Variants in TMEM130 observed in about 807,000 individuals in gnomAD.
TMEM130 encodes the protein transmembrane protein 130.
Under a neutral mutation model 42.9 loss-of-function variants are expected in TMEM130, and 37 were observed. The ratio of observed to expected loss-of-function variants is 0.86; its 90% CI spans 0.66 to 1.13. TMEM130 has a LOEUF of 1.13. Among genes scored for constraint, TMEM130 ranks in the 50% most tolerant of loss-of-function variants. TMEM130 has a pLI of 0.00. For missense variants in TMEM130, 545 were observed against 562.6 expected (o/e 0.97, Z 0.32); for synonymous variants, 259 against 237.7 (o/e 1.09, Z -0.82).
intron 2 of TMEM130, among the ~76,000 whole-genome samples, chr7:98,862,465 G>A (rs1219180993): frequency 3.4e-5 from 5 of 148,394 alleles, no homozygotes; most frequent in Non-Finnish European, 7.4e-5. Context: ...GTGAATGACT[G>A]GCCCCAAGAC....
chr7:98,860,232 C>G lies in TMEM130; in HGVS notation c.498G>C (p.Pro166=). The G allele has an allele frequency of 6.2e-7, 1 of 1,613,964 alleles. No homozygotes were observed. The highest frequency in any genetic ancestry group is 1.1e-5 in the South Asian group (1 of 91,048). ...ACAAGGCGGTCTTGAGGAAGTTGCT[C>G]GGGTCGTGGAGGAGGAAGGAGACTT... ...VLKVSFLLHD[P]SNFLKTALFL... Residue 166 remains proline, a synonymous_variant, in exon 3 of 8, where the codon CCG becomes CCC. Coordinates refer to ENST00000339375, the MANE Select transcript of TMEM130 (RefSeq NM_152913.3).
chr7:98,860,228 T>A lies in TMEM130; in HGVS notation c.502A>T (p.Asn168Tyr). 6.2e-7 allele frequency: 1 copy of A among 1,614,008 alleles called. No individual in the cohort carries two copies. The highest frequency in any genetic ancestry group is 8.5e-7 in the Non-Finnish European group (1 of 1,179,986). Residue 168 changes from asparagine to tyrosine, a missense_variant, in exon 3 of 8, where the codon AAC becomes TAC. Coordinates refer to ENST00000339375, the MANE Select transcript of TMEM130 (RefSeq NM_152913.3). The part of the protein sequence containing the change: ...KVSFLLHDPS[N>Y]FLKTALFLYS... ...AGAAACAAGGCGGTCTTGAGGAAGT[T>A]GCTCGGGTCGTGGAGGAGGAAGGAG...
At position 98,869,820 on chromosome 7, in the gene TMEM130, C is replaced by A; in HGVS notation, c.42G>T (p.Trp14Cys). Reference sequence around the variant, plus strand: ...GGGCCCAGGGCAGGAGGCAGGCAAGCCAGAGGATGCGGCCGAGGCGCGACC... The same window carrying A: ...GGGCCCAGGGCAGGAGGCAGGCAAGACAGAGGATGCGGCCGAGGCGCGACC... The part of the protein sequence containing the change: ...AVWSRLGRIL[W>C]LACLLPWAPA... Residue 14 changes from tryptophan (W) to cysteine (C), a missense_variant, in exon 1 of 8, where the codon TGG becomes TGT. Coordinates refer to ENST00000339375, the MANE Select transcript of TMEM130 (RefSeq NM_152913.3). This position sits in a 1 kb window ranked among gnomAD's most constrained non-coding sequence, Gnocchi z 4.7. 1 of 1,445,108 alleles carries A rather than the reference C, an allele frequency of 6.9e-7. No homozygotes were observed. The allele number at this position is 1,445,108 out of a possible 1,614,324, so 89.5% of individuals were successfully genotyped here. A position where few individuals can be genotyped will look rare whatever the true frequency, so the allele number is the denominator to read the frequency against.
chr7:98,852,116 TTTTAA>T (rs1296015170), intron 5 of TMEM130, among the ~76,000 whole-genome samples: 15 of 151,872 alleles, frequency 9.9e-5, no homozygotes, highest in East Asian at 3.9e-4. Flanking sequence ...CCAACTAATT[TTTTAA>T]TTTAATTTAA....
intron 2 of TMEM130, among the ~76,000 whole-genome samples, chr7:98,862,760 G>A (rs1429130983): frequency 2.0e-5 from 3 of 152,102 alleles, no homozygotes; most frequent in East Asian, 1.9e-4. Context: ...TCGGCCTCCC[G>A]AAGTGCTGGG....
At chr7:98,855,351 A>C in intron 4 of TMEM130, 27 bp from the exon 5 acceptor site, 1 of 1,595,714 alleles carries the variant, frequency 6.3e-7, no homozygotes, top group Non-Finnish European at 8.6e-7. Context: ...ACCCCGTTAG[A>C]CCTGGTGGCT....
chr7:98,848,498 A>T, intron 7 of TMEM130, 85 bp downstream of exon 7: 1 of 1,016,954 alleles, frequency 9.8e-7, no homozygotes, highest in Non-Finnish European at 1.6e-6. Flanking sequence ...CCCTCCAGGC[A>T]TCCTGGCCTG....
Position 98,856,127 on chromosome 7 carries a change from G to T in TMEM130, c.608C>A (p.Thr203Asn), listed in dbSNP as rs1397655646. The T allele has an allele frequency of 6.2e-7, 1 of 1,613,910 alleles. No individual in the cohort carries two copies. Among genetic ancestry groups the T allele is most frequent in the African/African-American group, 1.3e-5 (1 of 74,920 alleles). The change falls in exon 4 of 8, where the codon ACC becomes AAC. Residue 203 changes from threonine (T) to asparagine (N), a missense_variant. Transcript: ENST00000339375. The stretch of plus-strand genomic sequence containing the variant: ...CACCACTTTGAGCTTCACGGTGAAG[G>T]TCCCGATGATGGAATAGTTATAATA... ...VVYYNYSIIGTFTVKLKVVAE... is the reference protein window; with the variant it reads ...VVYYNYSIIGNFTVKLKVVAE...
rs1487644177 is a variant in TMEM130, at chr7:98,868,235, A to G, written c.85+1542T>C. Among the ~76,000 whole-genome samples, 16 of 152,282 alleles carry G rather than the reference A, an allele frequency of 1.1e-4. No homozygotes were observed. The East Asian group carries it at 3.1e-3, about 29-fold the overall frequency. ...CAGAGCAAGACTGCATCTCAAACAA[A>G]CAAATTCATCTTTCCATGTTTGGGA... On this transcript the variant is annotated intron_variant, in intron 1 of 7. Coordinates refer to ENST00000339375, the MANE Select transcript of TMEM130 (RefSeq NM_152913.3).
rs1002408452 is a variant in TMEM130, at chr7:98,847,848, G to T, written c.*208C>A. ...CCGAGTGGGGCTTATGTCAGTGGCT[G>T]GACTGTACAGATGGGTGAATGGCTG... is the stretch of plus-strand genomic sequence containing the variant. On this transcript the variant is annotated 3_prime_UTR_variant, in exon 8 of 8. Transcript: ENST00000339375. 4.4e-5 allele frequency: 23 copies of T among 516,996 alleles called. No individual in the cohort carries two copies. Among genetic ancestry groups the T allele is most frequent in the Non-Finnish European group, 7.5e-5 (22 of 293,346 alleles). The allele number at this position is 516,996 out of a possible 1,614,324, so 32.0% of individuals were successfully genotyped here. A position where few individuals can be genotyped will look rare whatever the true frequency, so the allele number is the denominator to read the frequency against.
Position 98,847,932 on chromosome 7 carries a change from T to C in TMEM130, c.*124A>G. The C allele has an allele frequency of 2.1e-5, 19 of 909,832 alleles. 1 individual carries two copies. Among genetic ancestry groups the C allele is most frequent in the Non-Finnish European group, 3.1e-5 (18 of 587,474 alleles). The allele number at this position is 909,832 out of a possible 1,614,324, so 56.4% of individuals were successfully genotyped here. ...GCAGTGGCTGAACTGTACAGATGGA[T>C]GGATGATCCAGGCCAACAGCCCCAC... On this transcript the variant is annotated 3_prime_UTR_variant, in exon 8 of 8. Transcript: ENST00000339375.
At chr7:98,850,273 A>ATATATATTTTTTTTTTTTTTTTTTTTT in intron 6 of TMEM130, among the ~76,000 whole-genome samples, 57 of 35,418 alleles carry the variant, frequency 1.6e-3, no homozygotes, top group Non-Finnish European at 2.7e-3. Flanking sequence ...ATATATATAT[A>ATATATATTTTTTTTTTTTTTTTTTTTT]TTTTTTTTTT....
rs562457966 is a variant in TMEM130, at chr7:98,847,692, C to G, written c.*364G>C. The G allele has an allele frequency of 2.2e-5, 4 of 180,608 alleles. No individual in the cohort carries two copies. The East Asian group carries it at 4.3e-4, about 19-fold the overall frequency. The allele number at this position is 180,608 out of a possible 1,614,324, so 11.2% of individuals were successfully genotyped here. On this transcript the variant is annotated 3_prime_UTR_variant, in exon 8 of 8. Transcript: ENST00000339375. ...GAGGAAACTGAGAACCCCCAATGGACAGCAGATGTGCCAATATGAGAGGAA... is the reference window on the plus strand; with the variant it reads ...GAGGAAACTGAGAACCCCCAATGGAGAGCAGATGTGCCAATATGAGAGGAA...
At chr7:98,860,970 A>G (rs1308030399) in intron 2 of TMEM130, among the ~76,000 whole-genome samples, 8 of 141,672 alleles carry the variant, frequency 5.6e-5, no homozygotes, top group Admixed American at 3.6e-4. Context: ...AAAAAAGAAG[A>G]AGGAAATGCA....
Position 98,869,490 on chromosome 7 carries a change from G to A in TMEM130, c.85+287C>T. ...ATGGTCCCCAGGCATCGACGGATGCGCCGGCCACCCCCGCGCGGTTTCCAG... is the reference window on the plus strand; with the variant it reads ...ATGGTCCCCAGGCATCGACGGATGCACCGGCCACCCCCGCGCGGTTTCCAG... On this transcript the variant is annotated intron_variant, in intron 1 of 7. Transcript: ENST00000339375. This position sits in a 1 kb window ranked among gnomAD's most constrained non-coding sequence, Gnocchi z 4.7. 1 of 773,444 alleles carries A rather than the reference G, an allele frequency of 1.3e-6. No individual in the cohort carries two copies. The highest frequency in any genetic ancestry group is 1.6e-6 in the Non-Finnish European group (1 of 636,002). The allele number at this position is 773,444 out of a possible 1,614,324, so 47.9% of individuals were successfully genotyped here. A position where few individuals can be genotyped will look rare whatever the true frequency, so the allele number is the denominator to read the frequency against.
In TMEM130 at chr7:98,869,727, G is replaced by A; in HGVS notation, c.85+50C>T. The A allele has an allele frequency of 7.7e-7, 1 of 1,295,084 alleles. No individual in the cohort carries two copies. Among genetic ancestry groups the A allele is most frequent in the Non-Finnish European group, 1.0e-6 (1 of 1,004,918 alleles). 80.2% of individuals were successfully genotyped at this position (1,295,084 alleles called of 1,614,324 possible). A position where few individuals can be genotyped will look rare whatever the true frequency, so the allele number is the denominator to read the frequency against. ...CACTCGCCCGCTGAGACGGTTCCAG[G>A]CCCCGGGCGGGCTGCGGCTGCAGGG... On this transcript the variant is annotated intron_variant, in intron 1 of 7. Transcript: ENST00000339375. This position sits in a 1 kb window ranked among gnomAD's most constrained non-coding sequence, Gnocchi z 4.7.
In TMEM130 at chr7:98,869,736, G is replaced by A. The variant is rs1554401083; in HGVS notation, c.85+41C>T. The stretch of plus-strand genomic sequence containing the variant: ...GCTGAGACGGTTCCAGGCCCCGGGC[G>A]GGCTGCGGCTGCAGGGAGGCCGGAT... On this transcript the variant is annotated intron_variant, in intron 1 of 7. Coordinates refer to ENST00000339375, the MANE Select transcript of TMEM130 (RefSeq NM_152913.3). This position sits in a 1 kb window ranked among gnomAD's most constrained non-coding sequence, Gnocchi z 4.7. 1 of 1,320,324 alleles carries A rather than the reference G, an allele frequency of 7.6e-7. No homozygotes were observed. The highest frequency in any genetic ancestry group is 9.7e-7 in the Non-Finnish European group (1 of 1,026,964). The allele number at this position is 1,320,324 out of a possible 1,614,324, so 81.8% of individuals were successfully genotyped here. A position where few individuals can be genotyped will look rare whatever the true frequency, so the allele number is the denominator to read the frequency against.
rs1466158112 is a variant in TMEM130, at chr7:98,869,842, G to T, written c.20C>A (p.Ser7Ter). MAQAVW[S>*]RLGRILWLAC... The stretch of plus-strand genomic sequence containing the variant: ...AAGCCAGAGGATGCGGCCGAGGCGC[G>T]ACCACACTGCCTGGGCCATTGCGGG... The change falls in exon 1 of 8, where the codon TCG (serine) becomes TAG (stop). Residue 7 changes from serine (S) to a stop codon, truncating the protein, a stop_gained. Transcript: ENST00000339375. LOFTEE classifies it high-confidence loss of function. This position sits in a 1 kb window ranked among gnomAD's most constrained non-coding sequence, Gnocchi z 4.7. 1.4e-6 allele frequency: 2 copies of T among 1,444,358 alleles called. No homozygotes were observed. Among genetic ancestry groups the T allele is most frequent in the South Asian group, 1.4e-5 (1 of 72,044 alleles). The allele number at this position is 1,444,358 out of a possible 1,614,324, so 89.5% of individuals were successfully genotyped here.
rs1240372379 is a variant in TMEM130 at position 98,846,707 on chromosome 7, C to T, written c.*1349G>A. The T allele has an allele frequency of 6.6e-6, 1 of 152,148 alleles. No homozygotes were observed. Among genetic ancestry groups the T allele is most frequent in the Non-Finnish European group, 1.5e-5 (1 of 68,096 alleles). 9.4% of individuals were successfully genotyped at this position (152,148 alleles called of 1,614,324 possible). On this transcript the variant is annotated 3_prime_UTR_variant, in exon 8 of 8. Transcript: ENST00000339375. ...TTATTGTCTCAGCCACAGCCCAGGT[C>T]GCTGGGCCAGAAGGGAGGGTGCAGG... is the stretch of plus-strand genomic sequence containing the variant.
Sources: allele counts gnomAD v4.1 joint callset (sites outside exome capture counted in the v4.1 genomes callset), GRCh38; gene constraint gnomAD v4.1.1; non-coding constraint Gnocchi (gnomAD v3.1); transcripts MANE v1.5; gene names NCBI Gene and HGNC (gene_info 2026-07-23, HGNC 2026-07-21).